Variants in SHANK2 observed in about 807,000 individuals in gnomAD.
SHANK2 encodes the protein SH3 and multiple ankyrin repeat domains 2.
Under a neutral mutation model 133.7 loss-of-function variants are expected in SHANK2, and 43 were observed. The observed-to-expected ratio is 0.32, with a 90% CI of 0.25 to 0.41. The LOEUF (loss-of-function observed/expected upper bound fraction) is 0.41, where lower values mean the gene tolerates loss of function less well. SHANK2 is among the 10% of genes least tolerant of loss of function. The probability of loss-of-function intolerance (pLI) is 1.00; values close to 1 mark genes in which losing one functional copy is unlikely to be tolerated. For synonymous variants in SHANK2, 1,017 were observed against 952.8 expected, an observed-to-expected ratio of 1.07 and a Z score of -1.24; for missense variants, 1,994 against 2,235.8, an observed-to-expected ratio of 0.89 and a Z score of 2.18.
At chr11:70,865,355 G>A (rs544394298) in intron 11 of SHANK2, among the ~76,000 whole-genome samples, 5 of 150,784 alleles carry the variant, frequency 3.3e-5, no homozygotes, top group African/African-American at 4.9e-5. Context: ...ACTAGGCGAC[G>A]TCTAAATTTA....
At chr11:70,954,058 A>G (rs1950882321) in intron 10 of SHANK2, among the ~76,000 whole-genome samples, 1 of 152,248 alleles carries the variant, frequency 6.6e-6, no homozygotes, top group Non-Finnish European at 1.5e-5. Flanking sequence ...AGACAGCAGC[A>G]CAACAGGGAC....
At chr11:70,949,022 C>T (rs1368117392) in intron 10 of SHANK2, among the ~76,000 whole-genome samples, 1 of 152,200 alleles carries the variant, frequency 6.6e-6, no homozygotes, top group Non-Finnish European at 1.5e-5. Context: ...CCCAGACTCA[C>T]TGCCTGCCCT....
intron 3 of SHANK2, among the ~76,000 whole-genome samples, chr11:71,127,824 T>C (rs1239145302): frequency 1.3e-5 from 2 of 152,232 alleles, no homozygotes; most frequent in African/African-American, 4.8e-5. Context: ...ATATGCCTGT[T>C]ATGTAAGTCA....
intron 17 of SHANK2, among the ~76,000 whole-genome samples, chr11:70,599,945 A>T (rs10047472): frequency 0.18 from 21,284 of 120,342 alleles, 2,726 homozygotes; most frequent in East Asian, 0.35. Context: ...GAAAGAAAGA[A>T]AGAAAGAAAG....
chr11:70,546,578 T>C (rs1241423933), intron 17 of SHANK2, among the ~76,000 whole-genome samples: 3 of 152,148 alleles, frequency 2.0e-5, no homozygotes, highest in South Asian at 4.1e-4. Context: ...TTCCTCAAGA[T>C]CGAGACCCTC....
At chr11:70,894,605 CT>C (rs1949905943) in intron 11 of SHANK2, among the ~76,000 whole-genome samples, 1 of 152,186 alleles carries the variant, frequency 6.6e-6, no homozygotes, top group Admixed American at 6.5e-5. Flanking sequence ...CCCAATATCT[CT>C]CAGCTCCATG....
chr11:70,670,197 A>G (rs1944769269), intron 15 of SHANK2, among the ~76,000 whole-genome samples: 1 of 152,218 alleles, frequency 6.6e-6, no homozygotes, highest in Non-Finnish European at 1.5e-5. Context: ...GCCTGAGAGC[A>G]GCTTCGCTAA....
At chr11:70,727,149 T>C (rs1946194874) in intron 14 of SHANK2, among the ~76,000 whole-genome samples, 1 of 152,262 alleles carries the variant, frequency 6.6e-6, no homozygotes, top group South Asian at 2.1e-4. Flanking sequence ...CTTGATAATT[T>C]AGCAACAGTT....
intron 15 of SHANK2, chr11:70,662,225 G>GCACGAGCC (rs1944567116): frequency 4.9e-6 from 1 of 202,420 alleles, no homozygotes; most frequent in Non-Finnish European, 1.0e-5. Context: ...TCTGCTCCCC[G>GCACGAGCC]CACGAGCCGG....
chr11:71,148,537 G>T (rs1278266239), intron 2 of SHANK2, among the ~76,000 whole-genome samples: 4 of 152,242 alleles, frequency 2.6e-5, no homozygotes, highest in Admixed American at 2.0e-4. Context: ...GACTGGGGGA[G>T]GAGGGGCCAT....
intron 17 of SHANK2, among the ~76,000 whole-genome samples, chr11:70,528,298 A>C (rs1369003866): frequency 6.6e-6 from 1 of 152,076 alleles, no homozygotes; most frequent in Non-Finnish European, 1.5e-5. Flanking sequence ...CGGTGGAAGC[A>C]GGAAGGTTTG....
intron 14 of SHANK2, among the ~76,000 whole-genome samples, chr11:70,727,272 C>T (rs941410161): frequency 3.3e-5 from 5 of 152,168 alleles, no homozygotes; most frequent in Non-Finnish European, 5.9e-5. Flanking sequence ...GCAAGGTAGC[C>T]GGGGTGGAAG....
chr11:71,178,892 A>G (rs1590992275), intron 2 of SHANK2, among the ~76,000 whole-genome samples: 1 of 152,316 alleles, frequency 6.6e-6, no homozygotes, highest in East Asian at 1.9e-4. Context: ...CTGAGGCATG[A>G]GAGTCACTTG....
At chr11:70,908,001 T>G in intron 10 of SHANK2, 1 of 432,496 alleles carries the variant, frequency 2.3e-6, no homozygotes, top group Non-Finnish European at 4.7e-6. Flanking sequence ...CTTGGGAGGC[T>G]GAGGCAGGAG....
intron 11 of SHANK2, among the ~76,000 whole-genome samples, chr11:70,852,774 C>T (rs1353166705): frequency 1.3e-5 from 2 of 152,152 alleles, no homozygotes; most frequent in African/African-American, 4.8e-5. Flanking sequence ...ACCCAGGAGG[C>T]GGAGGTTGTG....
intron 8 of SHANK2, among the ~76,000 whole-genome samples, chr11:71,078,414 T>C: frequency 6.6e-6 from 1 of 152,316 alleles, no homozygotes; most frequent in Middle Eastern, 3.4e-3. Context: ...AAAATCTCCA[T>C]TTAGCAACCA....
intron 10 of SHANK2, chr11:70,942,963 T>C: frequency 6.7e-6 from 3 of 448,948 alleles, no homozygotes; most frequent in Non-Finnish European, 1.3e-5. Flanking sequence ...CTCAAAGCAC[T>C]TTAAAGTTTA....
At chr11:70,935,903 G>T (rs1555083376) in intron 10 of SHANK2, among the ~76,000 whole-genome samples, 1 of 152,158 alleles carries the variant, frequency 6.6e-6, no homozygotes, top group African/African-American at 2.4e-5. Flanking sequence ...GGTTAAGCAG[G>T]GATTTGGACG....
intron 10 of SHANK2, among the ~76,000 whole-genome samples, chr11:70,947,167 ACAC>A (rs1950759400): frequency 7.5e-6 from 1 of 133,596 alleles, no homozygotes; most frequent in Non-Finnish European, 1.8e-5. Context: ...ACACACACAC[ACAC>A]ACACACACAC....
Sources: allele counts gnomAD v4.1 joint callset (sites outside exome capture counted in the v4.1 genomes callset), GRCh38; gene constraint gnomAD v4.1.1; transcripts MANE v1.5; gene names NCBI Gene and HGNC (gene_info 2026-07-23, HGNC 2026-07-21).